TSC22D1: variants seen among roughly 807,000 people sequenced by gnomAD.
TSC22D1 encodes the protein TSC22 domain family member 1.
Under a neutral mutation model 74.2 loss-of-function variants are expected in TSC22D1, and 9 were observed. The ratio of observed to expected loss-of-function variants is 0.12; its 90% confidence interval spans 0.07 to 0.21. TSC22D1 has a LOEUF of 0.21. Ranked by LOEUF, TSC22D1 falls within the 10% of genes least tolerant of loss-of-function variation. The pLI is 1.00. For missense variants in TSC22D1, 1,427 were observed against 1,304.7 expected (o/e 1.09, Z -1.44); for synonymous variants, 586 against 492.5 (o/e 1.19, Z -2.51).
chr13:44,473,919 T>C (rs1877751511), intron 1 of TSC22D1, among the ~76,000 whole-genome samples: 1 of 152,234 alleles, frequency 6.6e-6, no homozygotes, highest in African/African-American at 2.4e-5. Flanking sequence ...AAAGCTGTTA[T>C]GCAACTAAAT....
rs758675937 is a variant in TSC22D1, at chr13:44,575,927, T to A, written c.148A>T (p.Ser50Cys). The change falls in exon 1 of 3, where the codon AGT (serine) becomes TGT (cysteine). Residue 50 changes from serine to cysteine, a missense_variant. By Grantham distance (112) the Ser-to-Cys change is moderately radical. This residue lies in a region of TSC22D1 where 1,343 missense variants were observed against 1,191.5 expected (regional missense o/e 1.13). Coordinates refer to ENST00000458659, the MANE Select transcript of TSC22D1 (RefSeq NM_183422.4). ...ALNAAGTGVG[S>C]NATSSEDFPP... ...AAATCCTCGGAAGATGTGGCATTAC[T>A]ACCGACGCCGGTACCTGCTGCATTG... 6.2e-7 allele frequency: 1 copy of A among 1,613,258 alleles called. No individual in the cohort carries two copies. Among genetic ancestry groups the A allele is most frequent in the Middle Eastern group, 1.6e-4 (1 of 6,062 alleles).
chr13:44,465,979 A>AAAAAC (rs1877260602), intron 1 of TSC22D1, among the ~76,000 whole-genome samples: 1 of 151,288 alleles, frequency 6.6e-6, no homozygotes, highest in African/African-American at 2.4e-5. Context: ...GCCTCAAGAA[A>AAAAAC]AAACAAACAA....
intron 1 of TSC22D1, among the ~76,000 whole-genome samples, chr13:44,518,273 A>T (rs917414775): frequency 6.6e-6 from 1 of 152,184 alleles, no homozygotes; most frequent in Non-Finnish European, 1.5e-5. Context: ...AAATAGAGGT[A>T]AACAAACGAC....
intron 1 of TSC22D1, among the ~76,000 whole-genome samples, chr13:44,496,221 A>ACGC (rs1878967557): frequency 2.0e-5 from 3 of 152,210 alleles, no homozygotes; most frequent in Admixed American, 1.3e-4. Context: ...CACATGAAAG[A>ACGC]TGCTCATCAC....
intron 1 of TSC22D1, among the ~76,000 whole-genome samples, chr13:44,458,136 CTG>C (rs1876778652): frequency 6.6e-6 from 1 of 152,220 alleles, no homozygotes; most frequent in African/African-American, 2.4e-5. Flanking sequence ...TAATTTCTCA[CTG>C]TGATTCTATC....
intron 1 of TSC22D1, among the ~76,000 whole-genome samples, chr13:44,441,290 T>G (rs1875178367): frequency 1.3e-5 from 2 of 152,136 alleles, no homozygotes. Flanking sequence ...ATCTAACACA[T>G]CTAAGCATTT....
rs897885568 is a variant in TSC22D1 at position 44,433,714 on chromosome 13, C to T, written c.*912G>A. ...AGCATTTTTCAAAGTATTCAACCAG[C>T]TCAATTGAAAGACTTCAGTGAACAA... On this transcript the variant is annotated 3_prime_UTR_variant, in exon 3 of 3. Coordinates refer to ENST00000458659, the MANE Select transcript of TSC22D1 (RefSeq NM_183422.4). 6.7e-6 allele frequency: 3 copies of T among 448,178 alleles called. No individual in the cohort carries two copies. The highest frequency in any genetic ancestry group is 7.8e-6 in the Non-Finnish European group (2 of 256,682). 27.8% of individuals were successfully genotyped at this position (448,178 alleles called of 1,614,324 possible). A position where few individuals can be genotyped will look rare whatever the true frequency, so the allele number is the denominator to read the frequency against.
intron 1 of TSC22D1, among the ~76,000 whole-genome samples, chr13:44,498,518 G>C (rs555056322): frequency 6.6e-6 from 1 of 152,120 alleles, no homozygotes; most frequent in East Asian, 1.9e-4. Flanking sequence ...ATAATGGTTG[G>C]TATACAGTTA....
chr13:44,508,035 A>T (rs908887643), intron 1 of TSC22D1, among the ~76,000 whole-genome samples: 2 of 152,210 alleles, frequency 1.3e-5, no homozygotes, highest in Admixed American at 1.3e-4. Context: ...CTCAAGTCTC[A>T]TCCATACACT....
intron 1 of TSC22D1, chr13:44,539,087 TG>T (rs1338540857): frequency 1.0e-6 from 1 of 985,192 alleles, no homozygotes; most frequent in East Asian, 1.1e-4. Context: ...CTTAATGCCA[TG>T]GGGGAAATCT....
At chr13:44,532,615 A>G (rs1002161765) in intron 1 of TSC22D1, among the ~76,000 whole-genome samples, 1 of 152,072 alleles carries the variant, frequency 6.6e-6, no homozygotes, top group South Asian at 2.1e-4. Context: ...CTGGGACTAT[A>G]GGCGCACGCC....
chr13:44,467,145 G>A (rs1877333797), intron 1 of TSC22D1, among the ~76,000 whole-genome samples: 1 of 151,936 alleles, frequency 6.6e-6, no homozygotes, highest in Non-Finnish European at 1.5e-5. Flanking sequence ...CTGGGCAACA[G>A]AGCAAGACTC....
intron 1 of TSC22D1, among the ~76,000 whole-genome samples, chr13:44,533,555 G>A (rs968046165): frequency 1.3e-5 from 2 of 151,848 alleles, no homozygotes; most frequent in Non-Finnish European, 2.9e-5. Flanking sequence ...AGGCTGAGGC[G>A]GGTGGATCAC....
chr13:44,455,501 G>A (rs965628333), intron 1 of TSC22D1, among the ~76,000 whole-genome samples: 1 of 152,160 alleles, frequency 6.6e-6, no homozygotes, highest in Non-Finnish European at 1.5e-5. Flanking sequence ...AATAGCAATA[G>A]GTATTACATG....
chr13:44,523,530 C>T (rs1173793223), intron 1 of TSC22D1, among the ~76,000 whole-genome samples: 1 of 152,118 alleles, frequency 6.6e-6, no homozygotes, highest in Non-Finnish European at 1.5e-5. Flanking sequence ...AAAAGCTACA[C>T]ACTGCATGAC....
chr13:44,514,346 A>C (rs1254903242), intron 1 of TSC22D1, among the ~76,000 whole-genome samples: 2 of 152,124 alleles, frequency 1.3e-5, no homozygotes, highest in Non-Finnish European at 2.9e-5. Flanking sequence ...TAGTCATAAA[A>C]GGAAACTTTG....
intron 1 of TSC22D1, among the ~76,000 whole-genome samples, chr13:44,463,471 A>G (rs1877109043): frequency 6.6e-6 from 1 of 152,240 alleles, no homozygotes. Flanking sequence ...AGGTGGCTAA[A>G]CAGCCCATAT....
At chr13:44,464,170 G>A (rs1424894659) in intron 1 of TSC22D1, among the ~76,000 whole-genome samples, 1 of 152,172 alleles carries the variant, frequency 6.6e-6, no homozygotes, top group Non-Finnish European at 1.5e-5. Context: ...AACTTGTAAT[G>A]TAGCAATAGA....
chr13:44,503,047 A>G (rs1285228919), intron 1 of TSC22D1, among the ~76,000 whole-genome samples: 1 of 152,242 alleles, frequency 6.6e-6, no homozygotes. Context: ...ATCAAGAAAC[A>G]AAGAAAAGTG....
Sources: allele counts gnomAD v4.1 joint callset (sites outside exome capture counted in the v4.1 genomes callset), GRCh38; gene constraint gnomAD v4.1.1; regional missense constraint gnomAD v4.1.1; transcripts MANE v1.5; gene names NCBI Gene and HGNC (gene_info 2026-07-23, HGNC 2026-07-21).